Variants in TMTC2 observed in about 807,000 individuals in gnomAD.
TMTC2 encodes the protein transmembrane O-mannosyltransferase targeting cadherins 2, also known as protein O-mannosyl-transferase TMTC2.
TMTC2 carries 43 observed loss-of-function variants against 82.4 expected under a neutral mutation model. That is an observed-to-expected ratio of 0.52 (90% confidence interval 0.41 to 0.67). The LOEUF (loss-of-function observed/expected upper bound fraction) is 0.67, where lower values mean the gene tolerates loss of function less well. Among genes scored for constraint, TMTC2 ranks in the 30% least tolerant of loss-of-function variants. The pLI is 0.00. For synonymous variants in TMTC2, 408 were observed against 381.9 expected (o/e 1.07, Z -0.80); for missense variants, 919 against 1,012.4 (o/e 0.91, Z 1.25).
At chr12:82,994,933 C>T (rs991440007) in intron 8 of TMTC2, among the ~76,000 whole-genome samples, 23 of 151,626 alleles carry the variant, frequency 1.5e-4, no homozygotes, top group Non-Finnish European at 2.5e-4. Context: ...AAGATTCCAC[C>T]CCCCGCCCCC....
intron 8 of TMTC2, among the ~76,000 whole-genome samples, chr12:83,011,517 G>T (rs542156793): frequency 6.6e-6 from 1 of 152,308 alleles, no homozygotes; most frequent in South Asian, 2.1e-4. Context: ...TTATGTCTTT[G>T]TATGGCATGG....
rs12424801 is a variant in TMTC2, at chr12:82,891,370, G to A, written c.655-4448G>A. Among the ~76,000 whole-genome samples, 441 of 152,172 alleles carry A rather than the reference G, an allele frequency of 2.9e-3. 5 individuals are homozygous for A. The highest frequency in any genetic ancestry group is 0.021 in the Admixed American group (324 of 15,290). Reference sequence around the variant, plus strand: ...GTTGCCCAGGCTGGAGTGCAATGACGGGGCCTCGGCTCACTGCAACCTCCG... The same window carrying A: ...GTTGCCCAGGCTGGAGTGCAATGACAGGGCCTCGGCTCACTGCAACCTCCG... On this transcript the variant is annotated intron_variant, in intron 2 of 11. Transcript: ENST00000321196.
intron 4 of TMTC2, among the ~76,000 whole-genome samples, chr12:82,947,638 C>T (rs1269217749): frequency 1.3e-5 from 2 of 152,148 alleles, no homozygotes; most frequent in South Asian, 2.1e-4. Context: ...CCTCAGAGTG[C>T]AATTTTTAAT....
chr12:83,098,213 C>G (rs559314966), intron 11 of TMTC2, among the ~76,000 whole-genome samples: 1 of 152,192 alleles, frequency 6.6e-6, no homozygotes, highest in African/African-American at 2.4e-5. Context: ...AGCCTATCAT[C>G]CCAGCACATC....
At chr12:82,847,257 TTTTTCACAG>T (rs1351443136) in intron 1 of TMTC2, among the ~76,000 whole-genome samples, 11 of 152,228 alleles carry the variant, frequency 7.2e-5, no homozygotes, top group African/African-American at 2.7e-4. Flanking sequence ...AACCTGGTGG[TTTTTCACAG>T]TTAATTATCA....
chr12:83,102,285 G>A (rs1366563801), intron 11 of TMTC2, among the ~76,000 whole-genome samples: 5 of 152,268 alleles, frequency 3.3e-5, no homozygotes, highest in Non-Finnish European at 2.9e-5. Flanking sequence ...GTGAAGAAAG[G>A]AACAAATATA....
chr12:82,937,215 A>G (rs554888940), intron 4 of TMTC2, among the ~76,000 whole-genome samples: 40 of 152,338 alleles, frequency 2.6e-4, no homozygotes, highest in African/African-American at 9.6e-4. Context: ...TGAAAACTAG[A>G]AATTCGAAGT....
intron 11 of TMTC2, among the ~76,000 whole-genome samples, chr12:83,072,214 C>A (rs537919100): frequency 6.6e-6 from 1 of 152,002 alleles, no homozygotes; most frequent in Admixed American, 6.6e-5. Context: ...TCATTATTGT[C>A]GTTCAGTTCA....
chr12:82,947,224 A>C (rs1877056272), intron 4 of TMTC2, among the ~76,000 whole-genome samples: 1 of 152,210 alleles, frequency 6.6e-6, no homozygotes, highest in Admixed American at 6.5e-5. Context: ...CTTTAGAAAA[A>C]AATCTCTAAA....
chr12:82,697,009 C>T lies in TMTC2; in HGVS notation c.83+9340C>T, dbSNP rs1052108696. On this transcript the variant is annotated intron_variant, in intron 1 of 11. Coordinates refer to ENST00000321196, the MANE Select transcript of TMTC2 (RefSeq NM_152588.3). Reference sequence around the variant, plus strand: ...GTTTCTATTAATAGATCAGTGCTACCCTAACTTCAACCTCTGTGGGAAACA... The same window carrying T: ...GTTTCTATTAATAGATCAGTGCTACTCTAACTTCAACCTCTGTGGGAAACA... Among the ~76,000 whole-genome samples the T allele has an allele frequency of 5.7e-5, 8 of 139,270 alleles. No individual in the cohort carries two copies. The Admixed American group carries it at 6.2e-4, about 11-fold the overall frequency. The allele number at this position is 139,270 out of a possible 152,430, so 91.4% of individuals were successfully genotyped here. A position where few individuals can be genotyped will look rare whatever the true frequency, so the allele number is the denominator to read the frequency against.
intron 1 of TMTC2, among the ~76,000 whole-genome samples, chr12:82,727,237 C>T (rs1366320295): frequency 1.3e-5 from 2 of 152,002 alleles, no homozygotes; most frequent in Non-Finnish European, 2.9e-5. Context: ...TTCTTCTAGT[C>T]TTTTTTCCTT....
At chr12:82,887,224 A>G (rs2137165185) in intron 2 of TMTC2, among the ~76,000 whole-genome samples, 1 of 152,338 alleles carries the variant, frequency 6.6e-6, no homozygotes, top group South Asian at 2.1e-4. Flanking sequence ...TCGTTCATTG[A>G]GACTAAAATA....
chr12:82,745,161 G>A (rs79192956), intron 1 of TMTC2, among the ~76,000 whole-genome samples: 2,721 of 152,060 alleles, frequency 0.018, 81 homozygotes, highest in African/African-American at 0.063. Context: ...CTCTTCGTGT[G>A]TGTGCCCTTT....
chr12:83,021,357 C>G (rs1051917750), intron 8 of TMTC2, among the ~76,000 whole-genome samples: 1 of 152,146 alleles, frequency 6.6e-6, no homozygotes, highest in African/African-American at 2.4e-5. Flanking sequence ...ACCTTCCTAT[C>G]AACACTTGCT....
At chr12:82,880,387 G>C (rs1454583420) in intron 2 of TMTC2, among the ~76,000 whole-genome samples, 1 of 152,124 alleles carries the variant, frequency 6.6e-6, no homozygotes, top group Non-Finnish European at 1.5e-5. Context: ...CTGGCCCATG[G>C]CATGAAGTTG....
chr12:83,060,280 C>A (rs377443729), intron 10 of TMTC2, among the ~76,000 whole-genome samples: 8 of 151,706 alleles, frequency 5.3e-5, no homozygotes, highest in African/African-American at 1.9e-4. Context: ...AAAAATATGT[C>A]CTACACTCCA....
chr12:82,963,260 C>G (rs1427009366), intron 4 of TMTC2, among the ~76,000 whole-genome samples: 2 of 151,722 alleles, frequency 1.3e-5, no homozygotes, highest in Non-Finnish European at 2.9e-5. Context: ...TCTCCTATGT[C>G]TAAGAGGTAC....
At chr12:82,938,944 T>C (rs895490824) in intron 4 of TMTC2, among the ~76,000 whole-genome samples, 1 of 152,196 alleles carries the variant, frequency 6.6e-6, no homozygotes, top group African/African-American at 2.4e-5. Flanking sequence ...TTAAGTTTTT[T>C]CCCCTGCATA....
In TMTC2 at chr12:82,831,328, A is replaced by C. The variant is rs77690596; in HGVS notation, c.84-25682A>C. ...AAGGTGGCTGCAACTGCAAACATCA[A>C]ATTCTCAAAGCAGGTCACCCAAAAT... On this transcript the variant is annotated intron_variant, in intron 1 of 11. Coordinates refer to ENST00000321196, the MANE Select transcript of TMTC2 (RefSeq NM_152588.3). 2.8e-3 allele frequency among the ~76,000 whole-genome samples: 434 copies of C among 152,338 alleles called. 3 individuals are homozygous for C. The highest frequency in any genetic ancestry group is 0.01 in the African/African-American group (426 of 41,568).
Sources: allele counts gnomAD v4.1 joint callset (sites outside exome capture counted in the v4.1 genomes callset), GRCh38; gene constraint gnomAD v4.1.1; transcripts MANE v1.5; gene names NCBI Gene and HGNC (gene_info 2026-07-23, HGNC 2026-07-21).